ZNF892: variants seen among roughly 807,000 people sequenced by gnomAD.
ZNF892 encodes the protein zinc finger protein 570-like.
chr2:95,222,082 T>C, the ZNF892 span, among the ~76,000 whole-genome samples: 7 of 152,178 alleles, frequency 4.6e-5, no homozygotes, highest in Non-Finnish European at 7.4e-5. Flanking sequence ...ACAATTCCAC[T>C]GCACCAACAA....
chr2:95,246,985 T>C, the ZNF892 span, among the ~76,000 whole-genome samples: 1 of 152,180 alleles, frequency 6.6e-6, no homozygotes, highest in South Asian at 2.1e-4. Context: ...TCAACATTCT[T>C]TACAGAATTA....
the ZNF892 span, among the ~76,000 whole-genome samples, chr2:95,210,429 A>G: frequency 1.3e-5 from 2 of 152,168 alleles, no homozygotes; most frequent in African/African-American, 4.8e-5. Context: ...CATTTGTCTT[A>G]TCAGCACTAA....
the ZNF892 span, among the ~76,000 whole-genome samples, chr2:95,220,348 CTTT>C: frequency 1.6e-5 from 2 of 128,502 alleles, no homozygotes; most frequent in Non-Finnish European, 3.4e-5. Context: ...TTTCTTGGGG[CTTT>C]TTTTTTTTTT....
the ZNF892 span, among the ~76,000 whole-genome samples, chr2:95,234,765 G>A: frequency 6.6e-6 from 1 of 152,188 alleles, no homozygotes; most frequent in African/African-American, 2.4e-5. Context: ...CTGTTTACTT[G>A]TACCTTTTAA....
At chr2:95,253,338 G>A in the ZNF892 span, among the ~76,000 whole-genome samples, 3 of 152,156 alleles carry the variant, frequency 2.0e-5, no homozygotes, top group African/African-American at 7.2e-5. Flanking sequence ...TATTAAATAA[G>A]GAATCCTTTC....
chr2:95,244,082 C>A, the ZNF892 span, among the ~76,000 whole-genome samples: 2 of 150,898 alleles, frequency 1.3e-5, no homozygotes, highest in Non-Finnish European at 3.0e-5. Flanking sequence ...TGTATCCACT[C>A]AGGGTTGAAT....
the ZNF892 span, chr2:95,211,786 AG>A: frequency 2.5e-6 from 1 of 398,180 alleles, no homozygotes; most frequent in South Asian, 1.3e-4. Context: ...CTCAGTTCCT[AG>A]GAGCTCCAAG....
the ZNF892 span, among the ~76,000 whole-genome samples, chr2:95,257,530 A>T: frequency 2.6e-5 from 4 of 152,132 alleles, no homozygotes; most frequent in Non-Finnish European, 5.9e-5. Flanking sequence ...GACCCACTTG[A>T]GGAGGCAGTC....
At chr2:95,219,059 C>T in the ZNF892 span, among the ~76,000 whole-genome samples, 2 of 152,134 alleles carry the variant, frequency 1.3e-5, no homozygotes, top group South Asian at 2.1e-4. Flanking sequence ...AGTGCAGTGG[C>T]GCGATTTCAG....
the ZNF892 span, among the ~76,000 whole-genome samples, chr2:95,252,646 C>T: frequency 1.3e-3 from 203 of 152,262 alleles, no homozygotes; most frequent in Non-Finnish European, 1.7e-3. Flanking sequence ...TTCTAGATCC[C>T]TGAGGAATCG....
the ZNF892 span, among the ~76,000 whole-genome samples, chr2:95,249,231 A>ATTTT: frequency 1.4e-4 from 8 of 57,090 alleles, no homozygotes; most frequent in Admixed American, 3.2e-4. Flanking sequence ...ATATATATAT[A>ATTTT]TTTTTTTTTT....
At chr2:95,216,330 A>G in the ZNF892 span, among the ~76,000 whole-genome samples, 3 of 152,180 alleles carry the variant, frequency 2.0e-5, no homozygotes, top group African/African-American at 7.2e-5. Flanking sequence ...ATTGCCTACT[A>G]AATCATGTTA....
the ZNF892 span, among the ~76,000 whole-genome samples, chr2:95,210,215 ATATG>A: frequency 1.4e-5 from 2 of 147,156 alleles, no homozygotes; most frequent in African/African-American, 4.9e-5. Flanking sequence ...ATATGTGTAT[ATATG>A]TATATATATG....
chr2:95,247,205 A>C, the ZNF892 span, among the ~76,000 whole-genome samples: 9 of 152,336 alleles, frequency 5.9e-5, no homozygotes, highest in South Asian at 6.2e-4. Flanking sequence ...ATAAAGTTGC[A>C]TACCTACAGC....
chr2:95,248,969 T>C, the ZNF892 span, among the ~76,000 whole-genome samples: 3 of 151,784 alleles, frequency 2.0e-5, no homozygotes, highest in Admixed American at 6.6e-5. Flanking sequence ...TTGATTGAAT[T>C]GGGGGTCTCA....
chr2:95,242,346 C>A, the ZNF892 span, among the ~76,000 whole-genome samples: 1 of 152,196 alleles, frequency 6.6e-6, no homozygotes, highest in Non-Finnish European at 1.5e-5. Context: ...ATTCAACATT[C>A]TTAAAGAAAA....
chr2:95,240,243 C>A, the ZNF892 span, among the ~76,000 whole-genome samples: 2 of 152,326 alleles, frequency 1.3e-5, no homozygotes, highest in Admixed American at 1.3e-4. Context: ...ACAGCACCTT[C>A]AACTGAAATA....
the ZNF892 span, among the ~76,000 whole-genome samples, chr2:95,246,562 G>A: frequency 2.6e-5 from 4 of 152,172 alleles, no homozygotes; most frequent in African/African-American, 9.7e-5. Context: ...AGGAAGAGAG[G>A]AAGTCAAATT....
chr2:95,258,861 A>C, the ZNF892 span, among the ~76,000 whole-genome samples: 1 of 152,202 alleles, frequency 6.6e-6, no homozygotes, highest in Non-Finnish European at 1.5e-5. Flanking sequence ...CCTGAGAATG[A>C]GATTGACATC....
Sources: allele counts gnomAD v4.1 joint callset (sites outside exome capture counted in the v4.1 genomes callset), GRCh38; gene constraint gnomAD v4.1.1; transcripts MANE v1.5; gene names NCBI Gene and HGNC (gene_info 2026-07-23, HGNC 2026-07-21).